The following CDH20 variants were observed in gnomAD, a reference collection of about 807,000 sequenced individuals.
The protein encoded by CDH20 is cadherin 20.
A neutral mutation model predicts 74.2 loss-of-function variants in CDH20; 29 were observed. The ratio of observed to expected loss-of-function variants is 0.39; its 90% CI spans 0.29 to 0.53. The LOEUF is 0.53. CDH20 is among the 20% of genes least tolerant of loss of function. The pLI, the probability that CDH20 is intolerant of heterozygous loss-of-function variation, is 0.69. For synonymous variants in CDH20, 469 were observed against 405.4 expected (o/e 1.16, Z -1.88); for missense variants, 988 against 1,048.3 (o/e 0.94, Z 0.79).
intron 1 of CDH20, among the ~76,000 whole-genome samples, chr18:61,411,910 C>T (rs551178547): frequency 5.5e-4 from 83 of 152,022 alleles, no homozygotes; most frequent in Non-Finnish European, 1.1e-3. Context: ...GTATACTGCT[C>T]GGGTGATGGG....
At chr18:61,406,415 C>T (rs1245140702) in intron 1 of CDH20, among the ~76,000 whole-genome samples, 13 of 152,196 alleles carry the variant, frequency 8.5e-5, no homozygotes, top group Non-Finnish European at 1.8e-4. Context: ...ATGTGCCAGG[C>T]ACTGTTCTAG....
rs1480402055 is a variant in CDH20, at chr18:61,554,945, T to C, written c.*250T>C. On this transcript the variant is annotated 3_prime_UTR_variant, in exon 12 of 12. Transcript: ENST00000262717. ...CTTTTCTTTTTGATTTTTCTGACAC[T>C]GTGTGCGAAGGCTTGGAGTCCAAGG... 1 of 1,353,450 alleles carries C rather than the reference T, an allele frequency of 7.4e-7. No individual in the cohort carries two copies. The highest frequency in any genetic ancestry group is 2.1e-5 in the South Asian group (1 of 48,036). 83.8% of individuals were successfully genotyped at this position (1,353,450 alleles called of 1,614,324 possible).
chr18:61,387,240 A>G (rs1911629512), intron 1 of CDH20, among the ~76,000 whole-genome samples: 3 of 152,212 alleles, frequency 2.0e-5, no homozygotes, highest in Admixed American at 2.0e-4. Context: ...CGCCTCTCAG[A>G]CTGCAGCTCT....
chr18:61,482,126 G>A (rs1418342702), intron 1 of CDH20, among the ~76,000 whole-genome samples: 1 of 152,118 alleles, frequency 6.6e-6, no homozygotes, highest in Non-Finnish European at 1.5e-5. Context: ...ATTCAGAGCT[G>A]TATCTCAGGG....
intron 6 of CDH20, among the ~76,000 whole-genome samples, chr18:61,525,701 C>T (rs912308441): frequency 3.3e-5 from 5 of 152,036 alleles, no homozygotes; most frequent in Admixed American, 1.3e-4. Context: ...AACCCAACAA[C>T]AGCAACAAAA....
intron 1 of CDH20, among the ~76,000 whole-genome samples, chr18:61,450,407 T>C (rs1393898240): frequency 2.0e-5 from 3 of 146,796 alleles, no homozygotes; most frequent in African/African-American, 5.0e-5. Flanking sequence ...AAAAAAAAAC[T>C]TTTTACTTTT....
chr18:61,374,345 T>A (rs1280891679), intron 1 of CDH20, among the ~76,000 whole-genome samples: 3 of 152,062 alleles, frequency 2.0e-5, no homozygotes, highest in African/African-American at 7.2e-5. Context: ...AGGGGAAATT[T>A]CTGTAACTCT....
At position 61,388,089 on chromosome 18, in the gene CDH20, G is replaced by A. The variant is rs965989072; in HGVS notation, c.-153+54262G>A. Among the ~76,000 whole-genome samples the A allele has an allele frequency of 2.0e-5, 3 of 152,162 alleles. No homozygotes were observed. In the East Asian group the frequency reaches 5.8e-4, roughly 29 times the overall value. On this transcript the variant is annotated intron_variant, in intron 1 of 11. Coordinates refer to ENST00000262717, the MANE Select transcript of CDH20 (RefSeq NM_031891.4). ...AAGAGTGCTATACCTACAGTGCAAA[G>A]TTCCAGGGGAGTTCACAGGGGAAGG...
At chr18:61,441,185 T>C (rs1438916464) in intron 1 of CDH20, among the ~76,000 whole-genome samples, 1 of 152,154 alleles carries the variant, frequency 6.6e-6, no homozygotes, top group Non-Finnish European at 1.5e-5. Context: ...CCTCTCACCT[T>C]TGTATAACTC....
intron 1 of CDH20, among the ~76,000 whole-genome samples, chr18:61,475,774 T>C (rs1156389715): frequency 6.6e-6 from 1 of 152,234 alleles, no homozygotes; most frequent in African/African-American, 2.4e-5. Context: ...TCTTTTGTTA[T>C]GCCTGAACAG....
intron 1 of CDH20, among the ~76,000 whole-genome samples, chr18:61,357,069 G>C (rs1189067006): frequency 6.6e-6 from 1 of 152,126 alleles, no homozygotes; most frequent in East Asian, 1.9e-4. Flanking sequence ...AAATGGAAGG[G>C]ACAACAACTG....
intron 1 of CDH20, among the ~76,000 whole-genome samples, chr18:61,481,970 G>T (rs1489813359): frequency 6.6e-6 from 1 of 150,678 alleles, no homozygotes; most frequent in Non-Finnish European, 1.5e-5. Flanking sequence ...TCTAGCGTGA[G>T]AGGGGATTGT....
At chr18:61,451,442 G>A (rs773841066) in intron 1 of CDH20, among the ~76,000 whole-genome samples, 4 of 152,110 alleles carry the variant, frequency 2.6e-5, no homozygotes, top group Non-Finnish European at 5.9e-5. Context: ...ATACCTGGCA[G>A]TGGTGTACTG....
chr18:61,351,869 A>G (rs1164625933), intron 1 of CDH20, among the ~76,000 whole-genome samples: 2 of 152,132 alleles, frequency 1.3e-5, no homozygotes, highest in African/African-American at 4.8e-5. Flanking sequence ...TAGATTCTCA[A>G]TACATGTTGA....
At chr18:61,356,106 G>C (rs371482018) in intron 1 of CDH20, among the ~76,000 whole-genome samples, 1 of 152,114 alleles carries the variant, frequency 6.6e-6, no homozygotes, top group Admixed American at 6.5e-5. Flanking sequence ...TGAACCCAAG[G>C]GTTCTCCAGC....
intron 1 of CDH20, among the ~76,000 whole-genome samples, chr18:61,444,251 T>C (rs1477970424): frequency 6.6e-6 from 1 of 152,154 alleles, no homozygotes; most frequent in African/African-American, 2.4e-5. Context: ...AGATACTCAG[T>C]AAATGTCAGA....
intron 10 of CDH20, among the ~76,000 whole-genome samples, chr18:61,547,501 T>C (rs1913292731): frequency 6.6e-6 from 1 of 152,204 alleles, no homozygotes; most frequent in African/African-American, 2.4e-5. Context: ...ATTATGTGTA[T>C]ATAGTACTTT....
At chr18:61,539,231 A>G in intron 9 of CDH20, 86 bp downstream of exon 9, 1 of 1,372,076 alleles carries the variant, frequency 7.3e-7, no homozygotes, top group Non-Finnish European at 1.0e-6. Context: ...CATCAAAGCC[A>G]TTTTGACTCC....
At chr18:61,535,567 T>C (rs370617733) in intron 7 of CDH20, among the ~76,000 whole-genome samples, 1 of 152,060 alleles carries the variant, frequency 6.6e-6, no homozygotes, top group Non-Finnish European at 1.5e-5. Context: ...ACAGGAAATA[T>C]AGATCCTACC....
Sources: gnomAD v4.1 joint callset for allele counts (sites outside exome capture counted in the v4.1 genomes callset) on GRCh38, gnomAD v4.1.1 for gene constraint, MANE v1.5 for transcripts, NCBI Gene and HGNC (gene_info 2026-07-23, HGNC 2026-07-21) for gene names.